MEGF8: variants seen among roughly 807,000 people sequenced by gnomAD.
MEGF8 encodes the protein multiple epidermal growth factor-like domains protein 8.
MEGF8 carries 156 observed loss-of-function variants against 302.9 expected under a neutral mutation model. That is an observed-to-expected ratio of 0.52 (90% CI 0.45 to 0.59). MEGF8 has a LOEUF of 0.59. MEGF8 is among the 20% of genes least tolerant of loss of function. MEGF8 has a pLI of 0.00. For missense variants in MEGF8, 3,345 were observed against 3,964.5 expected (o/e 0.84, Z 4.20); for synonymous variants, 1,621 against 1,660.5 (o/e 0.98, Z 0.58).
In MEGF8 at chr19:42,331,917, G is replaced by T. The variant is rs562835045; in HGVS notation, c.188-1688G>T. Among the ~76,000 whole-genome samples, 4 of 150,876 alleles carry T rather than the reference G, an allele frequency of 2.7e-5. No homozygotes were observed. The South Asian group carries it at 8.4e-4, about 32-fold the overall frequency. ...TCTGTCGCCCAGGCTGGAGTGCAGT[G>T]GTGCAATCTTGGCTCACTGCAACCT... On this transcript the variant is annotated intron_variant, in intron 1 of 41. Coordinates refer to ENST00000251268, the MANE Select transcript of MEGF8 (RefSeq NM_001271938.2).
At chr19:42,374,344 A>G (rs553519526) in intron 41 of MEGF8, among the ~76,000 whole-genome samples, 10 of 151,830 alleles carry the variant, frequency 6.6e-5, no homozygotes, top group Admixed American at 3.9e-4. Context: ...GGTGGCGGAC[A>G]CCTGTAATCC....
At chr19:42,360,747 T>G (rs1289601672) in intron 31 of MEGF8, 28 bp from the exon 32 acceptor site, 7 of 1,554,222 alleles carry the variant, frequency 4.5e-6, no homozygotes, top group Non-Finnish European at 5.2e-6. Flanking sequence ...CTGCTCTCTA[T>G]CTGTCTGAAT....
chr19:42,376,430 C>A lies in MEGF8; in HGVS notation c.8193C>A (p.Phe2731Leu). The A allele has an allele frequency of 6.2e-7, 1 of 1,612,224 alleles. No homozygotes were observed. Among genetic ancestry groups the A allele is most frequent in the Non-Finnish European group, 8.5e-7 (1 of 1,179,516 alleles). ...PPPAFRRSEP[F>L]LAPLLLTGAG... ...CCGCCTTCCGCCGCTCTGAGCCCTT[C>A]CTGGCACCCCTGCTGCTGACAGGGG... Residue 2731 changes from phenylalanine (F) to leucine (L), a missense_variant, in exon 42 of 42, where the codon TTC (phenylalanine) becomes TTA (leucine). By Grantham distance (22) the Phe-to-Leu change is conservative. Coordinates refer to ENST00000251268, the MANE Select transcript of MEGF8 (RefSeq NM_001271938.2). This position sits in a 1 kb window ranked among gnomAD's most constrained non-coding sequence, Gnocchi z 8.2.
At chr19:42,345,529 A>G (rs2039277310) in intron 12 of MEGF8, among the ~76,000 whole-genome samples, 1 of 152,156 alleles carries the variant, frequency 6.6e-6, no homozygotes, top group African/African-American at 2.4e-5. Flanking sequence ...ATGTACATGG[A>G]GGCCTGTACT....
In MEGF8 at chr19:42,352,656, C is replaced by T. The variant is rs556142831; in HGVS notation, c.3350+200C>T. 1.9e-5 allele frequency: 14 copies of T among 720,966 alleles called. No homozygotes were observed. The African/African-American group carries it at 2.3e-4, about 12-fold the overall frequency. 44.7% of individuals were successfully genotyped at this position (720,966 alleles called of 1,614,324 possible). A position where few individuals can be genotyped will look rare whatever the true frequency, so the allele number is the denominator to read the frequency against. ...AACCCTGGTTACCATGGAAATGGGG[C>T]ACCCATAGGCTGTGGGCCATAGTCT... On this transcript the variant is annotated intron_variant, in intron 19 of 41. Transcript: ENST00000251268. The surrounding 1 kb of genome is among the most constrained non-coding windows in gnomAD (Gnocchi z 4.4).
chr19:42,334,950 C>A, intron 3 of MEGF8, 85 bp from the exon 4 acceptor site: 1 of 1,355,342 alleles, frequency 7.4e-7, no homozygotes. Flanking sequence ...TCTCATTCTG[C>A]CTCTTTTCCT....
Position 42,358,040 on chromosome 19 carries a change from CAG to C in MEGF8, c.5012-103_5012-102del. The C allele has an allele frequency of 1.7e-6, 2 of 1,186,990 alleles. No individual in the cohort carries two copies. 73.5% of individuals were successfully genotyped at this position (1,186,990 alleles called of 1,614,324 possible). On this transcript the variant is annotated intron_variant, in intron 28 of 41. Coordinates refer to ENST00000251268, the MANE Select transcript of MEGF8 (RefSeq NM_001271938.2). This position sits in a 1 kb window ranked among gnomAD's most constrained non-coding sequence, Gnocchi z 4.4. ...AGAGGGGCTCCCAGGCCTCCAGTCTCAGGGCCGGGGAAGGGAGTGGTCACCGA... is the reference window on the plus strand; with the variant it reads ...AGAGGGGCTCCCAGGCCTCCAGTCTCGGCCGGGGAAGGGAGTGGTCACCGA...
chr19:42,326,235 G>A lies in MEGF8; in HGVS notation c.-9G>A. 1 of 1,524,164 alleles carries A rather than the reference G, an allele frequency of 6.6e-7. No homozygotes were observed. The highest frequency in any genetic ancestry group is 2.6e-5 in the East Asian group (1 of 38,872). 94.4% of individuals were successfully genotyped at this position (1,524,164 alleles called of 1,614,324 possible). A position where few individuals can be genotyped will look rare whatever the true frequency, so the allele number is the denominator to read the frequency against. On this transcript the variant is annotated 5_prime_UTR_variant, in exon 1 of 42. Transcript: ENST00000251268. ...GTCCCCGCTCTAAGGGTCAGTGCAG[G>A]AGGCGGCGATGGCCCTGGGCAAGGT...
Position 42,326,067 on chromosome 19 carries a change from C to A in MEGF8, c.-177C>A. On this transcript the variant is annotated 5_prime_UTR_variant, in exon 1 of 42. Coordinates refer to ENST00000251268, the MANE Select transcript of MEGF8 (RefSeq NM_001271938.2). ...AGGGCTCAGCCCTCGGCTTCCAGAG[C>A]CTGTCAGCAGTGGCCGTACCCTTCG... 2.8e-6 allele frequency: 3 copies of A among 1,061,318 alleles called. No homozygotes were observed. Among genetic ancestry groups the A allele is most frequent in the Non-Finnish European group, 3.8e-6 (3 of 793,036 alleles). The allele number at this position is 1,061,318 out of a possible 1,614,324, so 65.7% of individuals were successfully genotyped here.
chr19:42,336,381 GCCAGGC>G lies in MEGF8; in HGVS notation c.1244+40_1244+45del. Reference sequence around the variant, plus strand: ...CTGTCCCATAACCCATGCTCCACAGGCCAGGCCCAGCTCAACACCATAGGCCTTTAG... The same window carrying G: ...CTGTCCCATAACCCATGCTCCACAGGCCAGCTCAACACCATAGGCCTTTAG... On this transcript the variant is annotated intron_variant, in intron 6 of 41. Coordinates refer to ENST00000251268, the MANE Select transcript of MEGF8 (RefSeq NM_001271938.2). The surrounding 1 kb of genome is among the most constrained non-coding windows in gnomAD (Gnocchi z 4.8). 1 of 1,542,742 alleles carries G rather than the reference GCCAGGC, an allele frequency of 6.5e-7. No individual in the cohort carries two copies. The highest frequency in any genetic ancestry group is 1.2e-5 in the South Asian group (1 of 81,876).
Position 42,375,823 on chromosome 19 carries a change from C to T in MEGF8, c.7586C>T (p.Pro2529Leu). The T allele has an allele frequency of 6.2e-7, 1 of 1,612,076 alleles. No individual in the cohort carries two copies. The highest frequency in any genetic ancestry group is 8.5e-7 in the Non-Finnish European group (1 of 1,179,658). The change falls in exon 42 of 42, where the codon CCC becomes CTC. Residue 2529 changes from proline to leucine, a missense_variant. Transcript: ENST00000251268. The surrounding 1 kb of genome is among the most constrained non-coding windows in gnomAD (Gnocchi z 7.1). ...TGVHTVHIQP[P>L]PAPPPPPPPA... ...GTCCATACTGTACACATCCAGCCAC[C>T]CCCAGCCCCACCACCTCCACCACCC...
At position 42,357,053 on chromosome 19, in the gene MEGF8, T is replaced by G; in HGVS notation, c.4830+72T>G. ...TGACAGAGACAGCTGTGGTAGCTCC[T>G]GCCAGCTCCATCCCCAGAGGAAACA... On this transcript the variant is annotated intron_variant, in intron 27 of 41. Coordinates refer to ENST00000251268, the MANE Select transcript of MEGF8 (RefSeq NM_001271938.2). The surrounding 1 kb of genome is among the most constrained non-coding windows in gnomAD (Gnocchi z 5.2). 1 of 1,407,036 alleles carries G rather than the reference T, an allele frequency of 7.1e-7. No individual in the cohort carries two copies. The highest frequency in any genetic ancestry group is 2.2e-5 in the Admixed American group (1 of 44,910). 87.2% of individuals were successfully genotyped at this position (1,407,036 alleles called of 1,614,324 possible). A position where few individuals can be genotyped will look rare whatever the true frequency, so the allele number is the denominator to read the frequency against.
intron 5 of MEGF8, 28 bp from the exon 6 acceptor site, chr19:42,335,903 A>G: frequency 6.9e-7 from 1 of 1,446,234 alleles, no homozygotes; most frequent in Non-Finnish European, 9.1e-7. Context: ...CTGTGTCTCT[A>G]CCTCTGTCTC....
chr19:42,367,724 G>A (rs1171915898), intron 35 of MEGF8, among the ~76,000 whole-genome samples: 1 of 152,154 alleles, frequency 6.6e-6, no homozygotes, highest in Non-Finnish European at 1.5e-5. Context: ...TGGAACCCAG[G>A]ATAGAAAGTA....
chr19:42,343,374 AC>A, intron 8 of MEGF8, 102 bp from the exon 9 acceptor site: 11 of 1,331,202 alleles, frequency 8.3e-6, no homozygotes, highest in Non-Finnish European at 9.1e-6. Context: ...TGAAGCAGCC[AC>A]CGGAATAGAA....
Position 42,354,745 on chromosome 19 carries a change from C to A in MEGF8, c.4144+25C>A. On this transcript the variant is annotated intron_variant, in intron 23 of 41. Coordinates refer to ENST00000251268, the MANE Select transcript of MEGF8 (RefSeq NM_001271938.2). This position sits in a 1 kb window ranked among gnomAD's most constrained non-coding sequence, Gnocchi z 4.3. ...GGTACGGGGGCTAGGGGAAGTGGGA[C>A]CTCTTAGTCCTGGGCTATGTATCCC... The A allele has an allele frequency of 3.2e-6, 5 of 1,583,182 alleles. No individual in the cohort carries two copies. The highest frequency in any genetic ancestry group is 4.3e-6 in the Non-Finnish European group (5 of 1,166,096).
chr19:42,350,464 G>C lies in MEGF8; in HGVS notation c.2736+80G>C, dbSNP rs76031723. On this transcript the variant is annotated intron_variant, in intron 15 of 41. Transcript: ENST00000251268. ...ATGGGCAGTCAAGGGAACCCCTGGT[G>C]GGGGGTGTGGGGGAAACAGCAAGGG... 22 of 1,264,664 alleles carry C rather than the reference G, an allele frequency of 1.7e-5. 1 individual carries two copies. The East Asian group carries it at 3.3e-4, about 19-fold the overall frequency. The allele number at this position is 1,264,664 out of a possible 1,614,324, so 78.3% of individuals were successfully genotyped here.
In MEGF8 at chr19:42,368,332, T is replaced by C; in HGVS notation, c.6274-123T>C. The C allele has an allele frequency of 1.2e-6, 1 of 823,200 alleles. No individual in the cohort carries two copies. Among genetic ancestry groups the C allele is most frequent in the Non-Finnish European group, 1.9e-6 (1 of 530,900 alleles). The allele number at this position is 823,200 out of a possible 1,614,324, so 51.0% of individuals were successfully genotyped here. A position where few individuals can be genotyped will look rare whatever the true frequency, so the allele number is the denominator to read the frequency against. On this transcript the variant is annotated intron_variant, in intron 35 of 41. Coordinates refer to ENST00000251268, the MANE Select transcript of MEGF8 (RefSeq NM_001271938.2). The surrounding 1 kb of genome is among the most constrained non-coding windows in gnomAD (Gnocchi z 4.9). ...GCTAGTGTCCACTTTGCTCTACCTG[T>C]GGCCAGGGAGGGGTGAGACCTCAAA...
At chr19:42,339,812 A>G (rs1295129737) in intron 8 of MEGF8, among the ~76,000 whole-genome samples, 1 of 152,202 alleles carries the variant, frequency 6.6e-6, no homozygotes, top group Non-Finnish European at 1.5e-5. Context: ...TAATCCCAGC[A>G]CTTTAGGACG....
Sources: gnomAD v4.1 joint callset for allele counts (sites outside exome capture counted in the v4.1 genomes callset) on GRCh38, gnomAD v4.1.1 for gene constraint, Gnocchi (gnomAD v3.1) non-coding constraint, MANE v1.5 for transcripts, NCBI Gene and HGNC (gene_info 2026-07-23, HGNC 2026-07-21) for gene names.